Variants in BAZ2B observed in about 807,000 individuals in gnomAD.
BAZ2B encodes bromodomain adjacent to zinc finger domain protein 2B.
A neutral mutation model predicts 246.0 loss-of-function variants in BAZ2B; 91 were observed. The observed-to-expected ratio is 0.37, with a 90% CI of 0.31 to 0.44. BAZ2B has a LOEUF of 0.44. Among genes scored for constraint, BAZ2B ranks in the 20% least tolerant of loss-of-function variants. BAZ2B has a pLI of 1.00. For synonymous variants in BAZ2B, 855 were observed against 860.0 expected, an observed-to-expected ratio of 0.99 and a Z score of 0.10; for missense variants, 2,332 against 2,533.7, an observed-to-expected ratio of 0.92 and a Z score of 1.71.
At position 159,441,260 on chromosome 2, in the gene BAZ2B, C is replaced by T. The variant is rs114626938; in HGVS notation, c.697-2048G>A. 1.4e-3 allele frequency among the ~76,000 whole-genome samples: 212 copies of T among 152,172 alleles called. 2 individuals are homozygous for T. Among genetic ancestry groups the T allele is most frequent in the African/African-American group, 4.8e-3 (200 of 41,510 alleles). Reference sequence around the variant, plus strand: ...AAATGCCCAAGGAATAAGTGTGTAGCTTTTTATTTAAAGATGGCATGAGAA... The same window carrying T: ...AAATGCCCAAGGAATAAGTGTGTAGTTTTTTATTTAAAGATGGCATGAGAA... On this transcript the variant is annotated intron_variant, in intron 6 of 36. Transcript: ENST00000392783.
the BAZ2B span, among the ~76,000 whole-genome samples, chr2:159,625,531 T>C: frequency 1.3e-5 from 2 of 152,170 alleles, no homozygotes; most frequent in Admixed American, 6.5e-5. Context: ...TTCAACATTC[T>C]TAAAGAAAAG....
At chr2:159,604,083 A>AAAG (rs10633108) in intron 1 of BAZ2B, among the ~76,000 whole-genome samples, 147,732 of 152,196 alleles carry the variant, frequency 0.97, 71,867 homozygotes, top group Middle Eastern at 1. Context: ...TTTTAATTTT[A>AAAG]AAGAAAAGTC....
intron 2 of BAZ2B, among the ~76,000 whole-genome samples, chr2:159,553,392 C>CAAAAAAAAAAAAAAAAAAAAAAAAAA (rs35253250): frequency 5.4e-5 from 4 of 73,818 alleles, no homozygotes; most frequent in Admixed American, 1.8e-4. Flanking sequence ...GACTCTGTCT[C>CAAAAAAAAAAAAAAAAAAAAAAAAAA]AAAAAAAAAA....
In BAZ2B at chr2:159,386,405, A is replaced by C; in HGVS notation, c.3419T>G (p.Val1140Gly). The C allele has an allele frequency of 6.2e-7, 1 of 1,613,424 alleles. No homozygotes were observed. Among genetic ancestry groups the C allele is most frequent in the Non-Finnish European group, 8.5e-7 (1 of 1,179,610 alleles). ...ACATACAGCAGCTGAGAGGAGCCTC[A>C]CAAGCAAGTCTTGTACTTCACCCAT... is the stretch of plus-strand genomic sequence containing the variant. The part of the protein sequence containing the change: ...DSMGEVQDLL[V>G]RLLSAAVCDP... Residue 1140 changes from valine to glycine, a missense_variant, in exon 22 of 37, where the codon GTG (valine) becomes GGG (glycine). Val to Gly is a moderately radical substitution (Grantham distance 109). Coordinates refer to ENST00000392783, the MANE Select transcript of BAZ2B (RefSeq NM_013450.4).
intron 3 of BAZ2B, among the ~76,000 whole-genome samples, chr2:159,465,477 T>C (rs2076922033): frequency 1.3e-5 from 2 of 152,208 alleles, no homozygotes; most frequent in South Asian, 2.1e-4. Context: ...GACTTGAACA[T>C]ATTAACTTTC....
downstream of BAZ2B, among the ~76,000 whole-genome samples, chr2:159,318,292 C>A (rs1474405222): frequency 6.6e-6 from 1 of 152,202 alleles, no homozygotes; most frequent in East Asian, 1.9e-4. Flanking sequence ...TAAGCACCAG[C>A]CCCTTTAAGG....
At chr2:159,556,180 T>G (rs2089100437) in intron 1 of BAZ2B, among the ~76,000 whole-genome samples, 2 of 152,190 alleles carry the variant, frequency 1.3e-5, no homozygotes, top group African/African-American at 2.4e-5. Flanking sequence ...TGTCTTCAAA[T>G]TACGTACTCA....
At position 159,442,086 on chromosome 2, in the gene BAZ2B, G is replaced by C. The variant is rs116497706; in HGVS notation, c.697-2874C>G. Among the ~76,000 whole-genome samples, 569 of 152,270 alleles carry C rather than the reference G, an allele frequency of 3.7e-3. 1 individual carries two copies. Among genetic ancestry groups the C allele is most frequent in the Middle Eastern group, 0.01 (3 of 294 alleles). ...AACAAACAATTTAAATAAATATTTTGAGTGATAAATACCATAAGTAAAACA... is the reference window on the plus strand; with the variant it reads ...AACAAACAATTTAAATAAATATTTTCAGTGATAAATACCATAAGTAAAACA... On this transcript the variant is annotated intron_variant, in intron 6 of 36. Transcript: ENST00000392783.
At chr2:159,547,224 A>T (rs562715470) in intron 2 of BAZ2B, among the ~76,000 whole-genome samples, 43 of 152,226 alleles carry the variant, frequency 2.8e-4, no homozygotes, top group Non-Finnish European at 5.7e-4. Context: ...ATACTATCTT[A>T]CATTCTGATG....
At chr2:159,459,642 A>C (rs1418183588) in intron 3 of BAZ2B, 1 of 152,180 alleles carries the variant, frequency 6.6e-6, no homozygotes, top group Admixed American at 6.5e-5. Flanking sequence ...TCAATCCTAT[A>C]ATTACATTTA....
chr2:159,519,100 A>G lies in BAZ2B; in HGVS notation c.-3+36723T>C, dbSNP rs374549547. ...AAGGAAAGATTCCCCAAAATAAGCC[A>G]TCTTGCTAGGAAGTGTGCAATTCTT... On this transcript the variant is annotated intron_variant, in intron 2 of 36. Transcript: ENST00000392783. 6.8e-4 allele frequency among the ~76,000 whole-genome samples: 104 copies of G among 151,878 alleles called. 1 individual carries two copies. The highest frequency in any genetic ancestry group is 2.4e-3 in the African/African-American group (100 of 41,464).
At chr2:159,330,901 CA>C (rs1389898847) in intron 34 of BAZ2B, among the ~76,000 whole-genome samples, 1 of 151,938 alleles carries the variant, frequency 6.6e-6, no homozygotes, top group African/African-American at 2.4e-5. Flanking sequence ...TAGATAGAAC[CA>C]GAACAAAAAA....
At chr2:159,323,770 T>C (rs894034527) in intron 36 of BAZ2B, among the ~76,000 whole-genome samples, 1 of 146,958 alleles carries the variant, frequency 6.8e-6, no homozygotes, top group East Asian at 2.0e-4. Context: ...ACCACTGCAC[T>C]CCAGCTTGGG....
chr2:159,671,643 A>C, the BAZ2B span, among the ~76,000 whole-genome samples: 1 of 152,190 alleles, frequency 6.6e-6, no homozygotes, highest in East Asian at 1.9e-4. Context: ...CTTTCTGCTC[A>C]GGAATACTCA....
chr2:159,329,108 G>A (rs2148867495), intron 34 of BAZ2B, among the ~76,000 whole-genome samples: 1 of 146,858 alleles, frequency 6.8e-6, no homozygotes, highest in African/African-American at 2.6e-5. Flanking sequence ...TCCAGCCTGG[G>A]CAACAGAGTG....
At chr2:159,404,640 T>C (rs2065609247) in intron 16 of BAZ2B, 1 of 485,004 alleles carries the variant, frequency 2.1e-6, no homozygotes, top group Admixed American at 3.8e-5. Context: ...AAATTTACTG[T>C]TTGGTAATCA....
intron 20 of BAZ2B, among the ~76,000 whole-genome samples, chr2:159,390,514 A>G (rs1215099406): frequency 6.6e-6 from 1 of 152,090 alleles, no homozygotes; most frequent in African/African-American, 2.4e-5. Context: ...CACAGCAGTC[A>G]TTGCTTTCTG....
At chr2:159,692,215 C>T in the BAZ2B span, among the ~76,000 whole-genome samples, 1 of 151,962 alleles carries the variant, frequency 6.6e-6, no homozygotes, top group Non-Finnish European at 1.5e-5. Flanking sequence ...AGTGCAGTGG[C>T]ACAATCTCAG....
chr2:159,357,071 C>T (rs929899233), intron 27 of BAZ2B, among the ~76,000 whole-genome samples: 6 of 152,098 alleles, frequency 3.9e-5, no homozygotes, highest in Non-Finnish European at 8.8e-5. Context: ...CTCTTCTCCT[C>T]CAAAGGATCA....
Sources: allele counts gnomAD v4.1 joint callset (sites outside exome capture counted in the v4.1 genomes callset), GRCh38; gene constraint gnomAD v4.1.1; transcripts MANE v1.5; gene names NCBI Gene and HGNC (gene_info 2026-07-23, HGNC 2026-07-21).